TMPRSS15: variants seen among roughly 807,000 people sequenced by gnomAD.
TMPRSS15 encodes transmembrane serine protease 15.
Under a neutral mutation model 125.3 loss-of-function variants are expected in TMPRSS15, and 128 were observed. That is an observed-to-expected ratio of 1.02 (90% CI 0.89 to 1.18). The LOEUF is 1.18. TMPRSS15 is among the 50% of genes most tolerant of loss of function. The pLI, the probability that TMPRSS15 is intolerant of heterozygous loss-of-function variation, is 0.00. For synonymous variants in TMPRSS15, 446 were observed against 423.2 expected (o/e 1.05, Z -0.66); for missense variants, 1,283 against 1,212.7 (o/e 1.06, Z -0.86).
chr21:18,432,515 C>T (rs963387573), intron 1 of TMPRSS15, among the ~76,000 whole-genome samples: 2 of 152,092 alleles, frequency 1.3e-5, no homozygotes, highest in East Asian at 3.9e-4. Flanking sequence ...GGGTGGGCTC[C>T]TAATCAAATC....
intron 6 of TMPRSS15, among the ~76,000 whole-genome samples, chr21:18,365,762 A>C (rs2075730419): frequency 1.5e-5 from 1 of 64,774 alleles, no homozygotes; most frequent in Non-Finnish European, 3.0e-5. Context: ...TTTTTTTTTG[A>C]GACAGAGTTT....
At chr21:18,276,250 A>T (rs192536335) in intron 23 of TMPRSS15, among the ~76,000 whole-genome samples, 227 of 152,296 alleles carry the variant, frequency 1.5e-3, no homozygotes, top group African/African-American at 5.2e-3. Flanking sequence ...GATATATATG[A>T]CTCAGTAGTG....
At chr21:18,298,441 A>G (rs2074930970) in intron 18 of TMPRSS15, among the ~76,000 whole-genome samples, 1 of 152,214 alleles carries the variant, frequency 6.6e-6, no homozygotes, top group African/African-American at 2.4e-5. Flanking sequence ...GCAAGTGTCA[A>G]TTGGCGAGGC....
chr21:18,391,417 C>T (rs543076388), intron 3 of TMPRSS15, among the ~76,000 whole-genome samples: 12 of 152,238 alleles, frequency 7.9e-5, no homozygotes, highest in Admixed American at 6.5e-4. Flanking sequence ...AAAGGGGCTA[C>T]AGGCCCCATG....
At chr21:18,333,658 A>T (rs1193674873) in intron 13 of TMPRSS15, among the ~76,000 whole-genome samples, 1 of 152,192 alleles carries the variant, frequency 6.6e-6, no homozygotes, top group African/African-American at 2.4e-5. Context: ...ATAAATGCTT[A>T]ATCAATGCCC....
chr21:18,430,594 C>G (rs2076214590), intron 1 of TMPRSS15, among the ~76,000 whole-genome samples: 1 of 151,994 alleles, frequency 6.6e-6, no homozygotes, highest in Admixed American at 6.6e-5. Context: ...CCATACATAT[C>G]CAATAAAAGA....
intron 23 of TMPRSS15, among the ~76,000 whole-genome samples, chr21:18,278,588 G>C (rs923593709): frequency 1.2e-5 from 1 of 86,470 alleles, no homozygotes; most frequent in Admixed American, 1.3e-4. Context: ...AGGCATGGTG[G>C]CAGGCGCCTG....
At chr21:18,286,513 C>T (rs2074767187) in intron 21 of TMPRSS15, among the ~76,000 whole-genome samples, 1 of 152,072 alleles carries the variant, frequency 6.6e-6, no homozygotes, top group East Asian at 1.9e-4. Flanking sequence ...TTCCTGTTTT[C>T]CTCATCTCAG....
chr21:18,342,984 A>C (rs2075464459), intron 12 of TMPRSS15, among the ~76,000 whole-genome samples: 1 of 152,234 alleles, frequency 6.6e-6, no homozygotes, highest in South Asian at 2.1e-4. Flanking sequence ...GTGTTATTTG[A>C]AAAATTAATT....
At chr21:18,310,003 G>C (rs2075081847) in intron 18 of TMPRSS15, among the ~76,000 whole-genome samples, 1 of 152,044 alleles carries the variant, frequency 6.6e-6, no homozygotes, top group African/African-American at 2.4e-5. Flanking sequence ...AATATAACAG[G>C]AACTGGAAGC....
At chr21:18,396,804 G>GTCTATCTATCTATCTATCTATCTATCTA (rs67154609) in intron 3 of TMPRSS15, among the ~76,000 whole-genome samples, 4 of 96,562 alleles carry the variant, frequency 4.1e-5, no homozygotes, top group African/African-American at 1.2e-4. Context: ...CTGTCTGTCT[G>GTCTATCTATCTATCTATCTATCTATCTA]TCTGTCTATC....
chr21:18,278,246 C>T (rs780031492), intron 23 of TMPRSS15, among the ~76,000 whole-genome samples: 9 of 151,978 alleles, frequency 5.9e-5, no homozygotes, highest in Non-Finnish European at 1.2e-4. Flanking sequence ...TTATCATGTG[C>T]TTTACAAAAA....
At chr21:18,434,565 A>T (rs2076223829) in intron 1 of TMPRSS15, among the ~76,000 whole-genome samples, 1 of 150,380 alleles carries the variant, frequency 6.6e-6, no homozygotes, top group African/African-American at 2.5e-5. Context: ...AATCTGGTGT[A>T]TTTACACAAC....
intron 21 of TMPRSS15, among the ~76,000 whole-genome samples, chr21:18,289,756 G>T (rs1266710737): frequency 1.3e-5 from 2 of 152,044 alleles, no homozygotes; most frequent in African/African-American, 2.4e-5. Flanking sequence ...TTCAATGACT[G>T]TGATCCAGAC....
At chr21:18,360,355 T>G (rs1017713494) in intron 7 of TMPRSS15, among the ~76,000 whole-genome samples, 5 of 152,144 alleles carry the variant, frequency 3.3e-5, no homozygotes, top group Non-Finnish European at 5.9e-5. Flanking sequence ...TCACGTTCTT[T>G]TTACCTTTTG....
At chr21:18,465,893 C>A (rs867299242) in intron 1 of TMPRSS15, among the ~76,000 whole-genome samples, 1 of 152,220 alleles carries the variant, frequency 6.6e-6, no homozygotes, top group Middle Eastern at 3.4e-3. Context: ...ACTTTCTTCA[C>A]AGAATTAGAA....
At chr21:18,474,195 C>T (rs1978832955) in intron 1 of TMPRSS15, among the ~76,000 whole-genome samples, 1 of 151,898 alleles carries the variant, frequency 6.6e-6, no homozygotes. Flanking sequence ...CTCATATCTC[C>T]ATCTATATGT....
chr21:18,407,816 G>A (rs142822856), upstream of TMPRSS15, among the ~76,000 whole-genome samples: 3 of 152,060 alleles, frequency 2.0e-5, no homozygotes, highest in Admixed American at 6.6e-5. Context: ...AAGATAAAAC[G>A]CTTTATGTGA....
Position 18,397,865 on chromosome 21 carries a change from T to G in TMPRSS15, c.344+14A>C. 1.4e-6 allele frequency: 2 copies of G among 1,466,590 alleles called. No homozygotes were observed. The highest frequency in any genetic ancestry group is 9.3e-7 in the Non-Finnish European group (1 of 1,074,238). 90.8% of individuals were successfully genotyped at this position (1,466,590 alleles called of 1,614,324 possible). ...TAATTTTCCATCAGTAGAAAATTTT[T>G]GAGCTATACTCACTCAAATTGTAAA... On this transcript the variant is annotated intron_variant, in intron 3 of 24. Coordinates refer to ENST00000284885, the MANE Select transcript of TMPRSS15 (RefSeq NM_002772.3).
Sources: gnomAD v4.1 joint callset for allele counts (sites outside exome capture counted in the v4.1 genomes callset) on GRCh38, gnomAD v4.1.1 for gene constraint, MANE v1.5 for transcripts, NCBI Gene and HGNC (gene_info 2026-07-23, HGNC 2026-07-21) for gene names.